The following ARL15 variants were observed in gnomAD, a reference collection of about 807,000 sequenced individuals.
ARL15 encodes the protein ARF like GTPase 15.
A neutral mutation model predicts 25.2 loss-of-function variants in ARL15; 19 were observed. The observed-to-expected ratio is 0.75, with a 90% CI of 0.53 to 1.10. The LOEUF (loss-of-function observed/expected upper bound fraction) is 1.10. Among genes scored for constraint, ARL15 ranks in the 50% least tolerant of loss-of-function variants. ARL15 has a pLI of 0.00. For missense variants in ARL15, 220 were observed against 246.0 expected (o/e 0.89, Z 0.71); for synonymous variants, 94 against 86.8 (o/e 1.08, Z -0.46).
intron 4 of ARL15, among the ~76,000 whole-genome samples, chr5:53,967,622 C>T (rs1000924165): frequency 6.6e-6 from 1 of 152,066 alleles, no homozygotes; most frequent in African/African-American, 2.4e-5. Flanking sequence ...TACATTTAAC[C>T]TAAGACTTGT....
intron 4 of ARL15, among the ~76,000 whole-genome samples, chr5:53,923,758 G>A (rs1292899457): frequency 6.6e-6 from 1 of 152,062 alleles, no homozygotes; most frequent in Non-Finnish European, 1.5e-5. Context: ...CCAGCTACTC[G>A]GGAGGCTGAG....
chr5:54,226,193 T>C lies in ARL15; in HGVS notation c.49-54265A>G, dbSNP rs185191755. Among the ~76,000 whole-genome samples the C allele has an allele frequency of 7.3e-5, 11 of 151,364 alleles. No individual in the cohort carries two copies. In the East Asian group the frequency reaches 2.1e-3, roughly 29 times the overall value. On this transcript the variant is annotated intron_variant, in intron 1 of 4. Coordinates refer to ENST00000504924, the MANE Select transcript of ARL15 (RefSeq NM_019087.3). ...CAGCTGACACGGTGGACTGGGGAGG[T>C]CAAGGCCTGAAGGTTGAGCAGGGAA...
chr5:54,226,855 G>A (rs1756532971), intron 1 of ARL15, among the ~76,000 whole-genome samples: 3 of 152,114 alleles, frequency 2.0e-5, no homozygotes, highest in Non-Finnish European at 2.9e-5. Flanking sequence ...AAGTGTTGTG[G>A]GAGGGGCCCA....
intron 4 of ARL15, among the ~76,000 whole-genome samples, chr5:54,045,039 T>A (rs931648340): frequency 6.6e-6 from 1 of 152,198 alleles, no homozygotes; most frequent in African/African-American, 2.4e-5. Flanking sequence ...ACTTCTTAGC[T>A]CAAGGATTTG....
intron 4 of ARL15, among the ~76,000 whole-genome samples, chr5:54,053,555 C>G (rs950929137): frequency 6.6e-6 from 1 of 152,080 alleles, no homozygotes; most frequent in Admixed American, 6.6e-5. Context: ...CTGACAAACA[C>G]TACCTCAAGC....
chr5:54,043,939 C>T (rs1750427235), intron 4 of ARL15, among the ~76,000 whole-genome samples: 1 of 151,880 alleles, frequency 6.6e-6, no homozygotes, highest in African/African-American at 2.4e-5. Context: ...ATCGCTTGAA[C>T]CCAGCAGTCT....
At chr5:53,986,719 T>C (rs1748311030) in intron 4 of ARL15, among the ~76,000 whole-genome samples, 1 of 152,220 alleles carries the variant, frequency 6.6e-6, no homozygotes, top group Admixed American at 6.5e-5. Context: ...TTTGTAGTTT[T>C]CGTTCATTCA....
chr5:54,117,964 A>C (rs1013938150), intron 3 of ARL15, among the ~76,000 whole-genome samples: 2 of 151,916 alleles, frequency 1.3e-5, no homozygotes, highest in Non-Finnish European at 2.9e-5. Context: ...ACAGATATTC[A>C]TAAAGTAATC....
At chr5:54,013,836 C>T (rs1749319239) in intron 4 of ARL15, among the ~76,000 whole-genome samples, 2 of 152,124 alleles carry the variant, frequency 1.3e-5, no homozygotes, top group African/African-American at 4.8e-5. Flanking sequence ...GCACCCATTC[C>T]CTTACCCCCC....
intron 4 of ARL15, among the ~76,000 whole-genome samples, chr5:54,063,085 T>C (rs1197178091): frequency 1.3e-5 from 2 of 152,180 alleles, no homozygotes; most frequent in Non-Finnish European, 2.9e-5. Context: ...AAGAAATTCT[T>C]CATACATGAG....
chr5:54,108,279 T>C (rs1417952658), intron 4 of ARL15, among the ~76,000 whole-genome samples: 2 of 152,120 alleles, frequency 1.3e-5, no homozygotes, highest in African/African-American at 4.8e-5. Flanking sequence ...GTGCAGTGCA[T>C]CTGTAAGGAA....
chr5:54,186,662 A>G (rs189725653), intron 1 of ARL15, among the ~76,000 whole-genome samples: 3 of 152,340 alleles, frequency 2.0e-5, no homozygotes, highest in Admixed American at 2.0e-4. Context: ...GACTTAATTT[A>G]TATTACTAAT....
chr5:54,032,454 C>CA (rs1332445520), intron 4 of ARL15, among the ~76,000 whole-genome samples: 1 of 152,118 alleles, frequency 6.6e-6, no homozygotes, highest in Non-Finnish European at 1.5e-5. Flanking sequence ...AGGCTGGTCT[C>CA]AAACTCCTGA....
intron 3 of ARL15, among the ~76,000 whole-genome samples, chr5:54,131,198 G>A (rs1753419608): frequency 6.6e-6 from 1 of 152,072 alleles, no homozygotes; most frequent in Non-Finnish European, 1.5e-5. Context: ...GAAAAACCTT[G>A]CAAAGCATTA....
At chr5:53,917,374 A>G (rs1475838415) in intron 4 of ARL15, among the ~76,000 whole-genome samples, 1 of 152,226 alleles carries the variant, frequency 6.6e-6, no homozygotes, top group Non-Finnish European at 1.5e-5. Context: ...AGTGGAGATA[A>G]GATACAGACA....
intron 4 of ARL15, among the ~76,000 whole-genome samples, chr5:54,000,765 C>A (rs1580157722): frequency 6.6e-6 from 1 of 152,200 alleles, no homozygotes; most frequent in Middle Eastern, 3.4e-3. Flanking sequence ...AAAACATATC[C>A]ATTTTGATCT....
At chr5:54,094,131 A>G (rs1410099890) in intron 4 of ARL15, among the ~76,000 whole-genome samples, 2 of 152,172 alleles carry the variant, frequency 1.3e-5, no homozygotes, top group South Asian at 2.1e-4. Context: ...TTTGACATTT[A>G]CCACCTGCTT....
intron 4 of ARL15, among the ~76,000 whole-genome samples, chr5:54,011,846 T>TA (rs1197496549): frequency 2.0e-5 from 3 of 152,038 alleles, no homozygotes; most frequent in Non-Finnish European, 4.4e-5. Flanking sequence ...CCGACTCTAC[T>TA]AAAAATACAA....
intron 1 of ARL15, among the ~76,000 whole-genome samples, chr5:54,176,679 T>G (rs1224790782): frequency 6.6e-6 from 1 of 152,128 alleles, no homozygotes; most frequent in Admixed American, 6.5e-5. Context: ...TGTTCAAGCC[T>G]CATAAACCTA....
Sources: gnomAD v4.1 joint callset for allele counts (sites outside exome capture counted in the v4.1 genomes callset) on GRCh38, gnomAD v4.1.1 for gene constraint, MANE v1.5 for transcripts, NCBI Gene and HGNC (gene_info 2026-07-23, HGNC 2026-07-21) for gene names.